The following DIAPH3 variants were observed in gnomAD, a reference collection of about 807,000 sequenced individuals.
DIAPH3 encodes the protein diaphanous related formin 3.
In DIAPH3, 117 loss-of-function variants were observed where a neutral mutation model predicts 144.3. The ratio of observed to expected loss-of-function variants is 0.81; its 90% CI spans 0.70 to 0.95. DIAPH3 has a LOEUF of 0.95. DIAPH3 is among the 40% of genes least tolerant of loss of function. The pLI is 0.00. For synonymous variants in DIAPH3, 519 were observed against 488.9 expected (o/e 1.06, Z -0.81); for missense variants, 1,421 against 1,412.7 (o/e 1.01, Z -0.09).
intron 17 of DIAPH3, among the ~76,000 whole-genome samples, chr13:59,941,521 G>C (rs1247317635): frequency 6.6e-6 from 1 of 152,174 alleles, no homozygotes; most frequent in Non-Finnish European, 1.5e-5. Flanking sequence ...CCAGCTTCCT[G>C]TCTGGACCTC....
intron 4 of DIAPH3, among the ~76,000 whole-genome samples, chr13:60,066,219 GATTA>G (rs1235211079): frequency 6.6e-6 from 1 of 151,736 alleles, no homozygotes; most frequent in Non-Finnish European, 1.5e-5. Context: ...TGCATTAATG[GATTA>G]ATTTTTTTAA....
intron 25 of DIAPH3, among the ~76,000 whole-genome samples, chr13:59,807,051 ATTT>A (rs2040233269): frequency 6.6e-6 from 1 of 151,916 alleles, no homozygotes; most frequent in African/African-American, 2.4e-5. Context: ...TGACTGTATT[ATTT>A]GTGATTTTTT....
intron 1 of DIAPH3, among the ~76,000 whole-genome samples, chr13:60,134,597 T>C (rs745716392): frequency 1.7e-4 from 26 of 152,222 alleles, no homozygotes; most frequent in Non-Finnish European, 3.4e-4. Context: ...TTCCAGCCTA[T>C]TGCATTTGGT....
chr13:59,759,570 G>T (rs1022184850), intron 27 of DIAPH3, among the ~76,000 whole-genome samples: 1 of 152,128 alleles, frequency 6.6e-6, no homozygotes, highest in Non-Finnish European at 1.5e-5. Flanking sequence ...AAAGGGAACG[G>T]GGATCAGTAA....
chr13:59,789,489 T>C (rs964362428), intron 25 of DIAPH3, among the ~76,000 whole-genome samples: 12 of 152,190 alleles, frequency 7.9e-5, no homozygotes, highest in Admixed American at 6.5e-5. Flanking sequence ...GAATAAAGAA[T>C]GAAATGGTTT....
intron 3 of DIAPH3, among the ~76,000 whole-genome samples, chr13:60,111,779 T>C (rs571712436): frequency 6.6e-6 from 1 of 152,354 alleles, no homozygotes; most frequent in South Asian, 2.1e-4. Flanking sequence ...TTCGATACTT[T>C]GGAGTATTTG....
At chr13:59,991,901 T>C (rs983077706) in intron 11 of DIAPH3, among the ~76,000 whole-genome samples, 167 bp downstream of exon 11, 1 of 152,062 alleles carries the variant, frequency 6.6e-6, no homozygotes, top group Non-Finnish European at 1.5e-5. Context: ...CATATATGTG[T>C]ATTCATAAAA....
intron 17 of DIAPH3, among the ~76,000 whole-genome samples, chr13:59,935,946 A>C (rs1594049824): frequency 6.6e-6 from 1 of 152,340 alleles, no homozygotes; most frequent in Non-Finnish European, 1.5e-5. Context: ...AATCATAAAA[A>C]ATGTAGCAGA....
At chr13:59,832,718 G>A (rs1416513187) in intron 24 of DIAPH3, among the ~76,000 whole-genome samples, 1 of 151,562 alleles carries the variant, frequency 6.6e-6, no homozygotes, top group Non-Finnish European at 1.5e-5. Flanking sequence ...AATGCATTAA[G>A]GAAAAAAAGC....
chr13:59,695,833 T>G (rs2033770840), intron 27 of DIAPH3, among the ~76,000 whole-genome samples: 1 of 152,184 alleles, frequency 6.6e-6, no homozygotes, highest in Non-Finnish European at 1.5e-5. Flanking sequence ...CAATTTAAGC[T>G]GAGTCAACCA....
intron 5 of DIAPH3, among the ~76,000 whole-genome samples, chr13:60,020,106 T>C (rs905321100): frequency 1.3e-5 from 2 of 152,176 alleles, no homozygotes; most frequent in Non-Finnish European, 2.9e-5. Context: ...TTATATATCA[T>C]ATTTATTCCA....
intron 17 of DIAPH3, among the ~76,000 whole-genome samples, chr13:59,954,762 C>T (rs780530090): frequency 2.7e-4 from 41 of 152,058 alleles, no homozygotes; most frequent in Non-Finnish European, 4.7e-4. Flanking sequence ...GAAGCCAGTA[C>T]ATCCTATATG....
intron 12 of DIAPH3, 128 bp downstream of exon 12, chr13:59,991,030 C>A: frequency 1.6e-6 from 1 of 632,382 alleles, no homozygotes; most frequent in Non-Finnish European, 2.8e-6. Flanking sequence ...GAAAACAACA[C>A]ATTCTATGAA....
chr13:59,903,509 C>T (rs2046565054), intron 20 of DIAPH3, among the ~76,000 whole-genome samples: 1 of 151,814 alleles, frequency 6.6e-6, no homozygotes, highest in East Asian at 1.9e-4. Context: ...AACAACATGG[C>T]CTTCTGAGTT....
chr13:59,697,060 T>A (rs2033837575), intron 27 of DIAPH3, among the ~76,000 whole-genome samples: 1 of 152,016 alleles, frequency 6.6e-6, no homozygotes, highest in Non-Finnish European at 1.5e-5. Flanking sequence ...TAATGATAGT[T>A]GTAAAAATTC....
At chr13:60,109,295 A>C (rs2058502881) in intron 3 of DIAPH3, among the ~76,000 whole-genome samples, 1 of 152,184 alleles carries the variant, frequency 6.6e-6, no homozygotes, top group Non-Finnish European at 1.5e-5. Context: ...ACAGAACTAT[A>C]ATAAATGTGT....
chr13:60,086,369 C>A (rs1288993969), intron 4 of DIAPH3, among the ~76,000 whole-genome samples: 1 of 152,030 alleles, frequency 6.6e-6, no homozygotes, highest in Admixed American at 6.6e-5. Context: ...TAAATGAAAA[C>A]TGAAGTGCCA....
chr13:60,019,941 T>C (rs1020937626), intron 5 of DIAPH3, among the ~76,000 whole-genome samples: 2 of 151,418 alleles, frequency 1.3e-5, no homozygotes, highest in Non-Finnish European at 2.9e-5. Context: ...ATTACCTTTC[T>C]TCCCAGATGT....
At chr13:59,976,368 CTTAAA>C (rs1373033857) in intron 14 of DIAPH3, among the ~76,000 whole-genome samples, 3 of 151,920 alleles carry the variant, frequency 2.0e-5, no homozygotes, top group Non-Finnish European at 4.4e-5. Context: ...TAAATGTAAA[CTTAAA>C]TTATCAAAAA....
Sources: gnomAD v4.1 joint callset for allele counts (sites outside exome capture counted in the v4.1 genomes callset) on GRCh38, gnomAD v4.1.1 for gene constraint, MANE v1.5 for transcripts, NCBI Gene and HGNC (gene_info 2026-07-23, HGNC 2026-07-21) for gene names.